Variants in FAF1 observed in about 807,000 individuals in gnomAD.
FAF1 encodes FAS-associated factor 1.
Under a neutral mutation model 92.5 loss-of-function variants are expected in FAF1, and 25 were observed. The observed-to-expected ratio is 0.27, with a 90% confidence interval of 0.20 to 0.38. The LOEUF (loss-of-function observed/expected upper bound fraction) is 0.38. Among genes scored for constraint, FAF1 ranks in the 10% least tolerant of loss-of-function variants. The pLI, the probability that FAF1 is intolerant of heterozygous loss-of-function variation, is 1.00. For missense variants in FAF1, 636 were observed against 793.3 expected (o/e 0.80, Z 2.38); for synonymous variants, 234 against 273.2 (o/e 0.86, Z 1.42).
At chr1:50,518,541 C>T (rs575197804) in intron 15 of FAF1, among the ~76,000 whole-genome samples, 2 of 151,856 alleles carry the variant, frequency 1.3e-5, no homozygotes, top group South Asian at 2.1e-4. Flanking sequence ...CCCGGGTTCA[C>T]GCCATTCTCC....
In FAF1 at chr1:50,503,399, C is replaced by T. The variant is rs187934520; in HGVS notation, c.1495-11598G>A. ...ACTTTGGGAGGCAAAGGTAGAATTG[C>T]TTGAGGCTAAGAGTTTGAGAACAGC... On this transcript the variant is annotated intron_variant, in intron 15 of 18. Transcript: ENST00000396153. 1.1e-4 allele frequency among the ~76,000 whole-genome samples: 17 copies of T among 152,090 alleles called. No homozygotes were observed. In the East Asian group the frequency reaches 3.3e-3, roughly 29 times the overall value.
chr1:50,867,156 C>G (rs1242081785), intron 1 of FAF1, among the ~76,000 whole-genome samples: 1 of 152,128 alleles, frequency 6.6e-6, no homozygotes, highest in Non-Finnish European at 1.5e-5. Context: ...GAAACTGGAT[C>G]CTCATCTCTC....
chr1:50,531,657 A>C (rs1427120352), intron 15 of FAF1, among the ~76,000 whole-genome samples: 3 of 152,154 alleles, frequency 2.0e-5, no homozygotes, highest in African/African-American at 7.2e-5. Context: ...ACAAAACCAA[A>C]TACTACTAAT....
intron 1 of FAF1, among the ~76,000 whole-genome samples, chr1:50,860,447 A>G (rs1243414301): frequency 1.3e-5 from 2 of 151,986 alleles, no homozygotes; most frequent in Non-Finnish European, 2.9e-5. Flanking sequence ...AAAGGACATG[A>G]ACAGACACTT....
At chr1:50,457,724 C>CAAAAAAAAAAAAAAAAAAAAAAAAAAA (rs35479561) in intron 18 of FAF1, among the ~76,000 whole-genome samples, 77 of 56,556 alleles carry the variant, frequency 1.4e-3, no homozygotes, top group Non-Finnish European at 1.6e-3. Flanking sequence ...CCCATCTCTG[C>CAAAAAAAAAAAAAAAAAAAAAAAAAAA]AAAAAAAAAA....
At chr1:50,692,286 TGTGTGTGG>T (rs1369703273) in intron 7 of FAF1, among the ~76,000 whole-genome samples, 32 of 145,264 alleles carry the variant, frequency 2.2e-4, no homozygotes, top group Admixed American at 1.0e-3. Context: ...TGTGTGTGTG[TGTGTGTGG>T]TGGGAACATT....
intron 4 of FAF1, 95 bp from the exon 5 acceptor site, chr1:50,744,870 G>T: frequency 1.6e-6 from 1 of 630,394 alleles, no homozygotes; most frequent in Non-Finnish European, 2.7e-6. Flanking sequence ...GGCATACAGT[G>T]TACAGTCAAT....
At chr1:50,490,395 GGAAGGAA>G (rs1398456055) in intron 17 of FAF1, among the ~76,000 whole-genome samples, 186 bp downstream of exon 17, 1 of 33,368 alleles carries the variant, frequency 3.0e-5, no homozygotes, top group East Asian at 4.6e-4. Flanking sequence ...AAGGAAGGAA[GGAAGGAA>G]GGAAGGAAGG....
At chr1:50,469,870 T>C (rs1646549055) in intron 18 of FAF1, among the ~76,000 whole-genome samples, 1 of 152,190 alleles carries the variant, frequency 6.6e-6, no homozygotes, top group Non-Finnish European at 1.5e-5. Flanking sequence ...ATCTGAATCT[T>C]GATTATTTAG....
At chr1:50,476,337 G>T (rs1440686021) in intron 17 of FAF1, among the ~76,000 whole-genome samples, 1 of 152,196 alleles carries the variant, frequency 6.6e-6, no homozygotes, top group Non-Finnish European at 1.5e-5. Flanking sequence ...ATTGGCAGAA[G>T]GAGACCACAG....
chr1:50,858,615 T>C (rs1166593861), intron 1 of FAF1, among the ~76,000 whole-genome samples: 2 of 151,862 alleles, frequency 1.3e-5, no homozygotes, highest in Non-Finnish European at 2.9e-5. Flanking sequence ...TCTGAATACA[T>C]GTTGAAATGG....
chr1:50,885,875 C>A (rs989030321), intron 1 of FAF1, among the ~76,000 whole-genome samples: 1 of 152,006 alleles, frequency 6.6e-6, no homozygotes, highest in African/African-American at 2.4e-5. Context: ...TTGGAGGTTA[C>A]CACGAGGCTT....
chr1:50,880,877 A>G (rs1434240541), intron 1 of FAF1, among the ~76,000 whole-genome samples: 2 of 152,094 alleles, frequency 1.3e-5, no homozygotes, highest in Non-Finnish European at 2.9e-5. Flanking sequence ...ACTCTAGCAC[A>G]CCATTTGGCT....
At position 50,596,143 on chromosome 1, in the gene FAF1, T is replaced by C; in HGVS notation, c.818A>G (p.Gln273Arg). The change falls in exon 9 of 19, where the codon CAG becomes CGG. Residue 273 changes from glutamine to arginine, a missense_variant. Gln to Arg is a conservative substitution (Grantham distance 43, BLOSUM62 1). Around this residue, in one of 2 missense-constraint regions of FAF1, gnomAD observed 317 missense variants for 342.4 expected, o/e 0.93. Coordinates refer to ENST00000396153, the MANE Select transcript of FAF1 (RefSeq NM_007051.3). ...TACTTCTTCCGACTGTTCCCGGGTCTGTGCAGGTGAAGATCTTCTTCCCAC... is the reference window on the plus strand; with the variant it reads ...TACTTCTTCCGACTGTTCCCGGGTCCGTGCAGGTGAAGATCTTCTTCCCAC... ...LTVGRRSSPA[Q>R]TREQSEEQIT... 6.2e-7 allele frequency: 1 copy of C among 1,613,896 alleles called. No individual in the cohort carries two copies. Among genetic ancestry groups the C allele is most frequent in the East Asian group, 2.2e-5 (1 of 44,870 alleles).
intron 12 of FAF1, among the ~76,000 whole-genome samples, chr1:50,578,466 G>GAA (rs2149063691): frequency 6.6e-6 from 1 of 152,272 alleles, no homozygotes; most frequent in African/African-American, 2.4e-5. Flanking sequence ...AAGGAGAGAT[G>GAA]AAGTTTGATT....
At chr1:50,508,892 C>T (rs1195678082) in intron 15 of FAF1, among the ~76,000 whole-genome samples, 7 of 152,104 alleles carry the variant, frequency 4.6e-5, no homozygotes, top group Middle Eastern at 3.4e-3. Context: ...TTAGTAGAGA[C>T]GGGGTTTCAC....
At chr1:50,469,719 A>C (rs1052026133) in intron 18 of FAF1, among the ~76,000 whole-genome samples, 8 of 152,158 alleles carry the variant, frequency 5.3e-5, no homozygotes, top group African/African-American at 1.9e-4. Flanking sequence ...CCATAGGTTT[A>C]ATTTGGGCTA....
At chr1:50,756,758 G>A (rs1311861487) in intron 4 of FAF1, among the ~76,000 whole-genome samples, 3 of 152,194 alleles carry the variant, frequency 2.0e-5, no homozygotes, top group Non-Finnish European at 4.4e-5. Flanking sequence ...ATCTTACATG[G>A]ATGGCAGCAG....
At position 50,486,298 on chromosome 1, in the gene FAF1, T is replaced by G. The variant is rs546735467; in HGVS notation, c.1653+4290A>C. 3.3e-5 allele frequency among the ~76,000 whole-genome samples: 5 copies of G among 152,332 alleles called. No individual in the cohort carries two copies. The East Asian group carries it at 9.6e-4, about 29-fold the overall frequency. On this transcript the variant is annotated intron_variant, in intron 17 of 18. Transcript: ENST00000396153. ...GTATCTATTTTAATTCACCCAAGAT[T>G]CGCCAAAATTCAGGCCTTTTAGCCA...
Sources: allele counts gnomAD v4.1 joint callset (sites outside exome capture counted in the v4.1 genomes callset), GRCh38; gene constraint gnomAD v4.1.1; regional missense constraint gnomAD v4.1.1; transcripts MANE v1.5; gene names NCBI Gene and HGNC (gene_info 2026-07-23, HGNC 2026-07-21).